The following GFRA2 variants were observed in gnomAD, a reference collection of about 807,000 sequenced individuals.
The protein encoded by GFRA2 is GDNF family receptor alpha 2, also known as GDNF family receptor alpha-2.
GFRA2 carries 17 observed loss-of-function variants against 48.3 expected under a neutral mutation model. The observed-to-expected ratio is 0.35, with a 90% CI of 0.24 to 0.53. The LOEUF is 0.53. GFRA2 is among the 20% of genes least tolerant of loss of function. GFRA2 has a pLI of 0.93. For synonymous variants in GFRA2, 305 were observed against 257.2 expected (o/e 1.19, Z -1.78); for missense variants, 660 against 637.3 (o/e 1.04, Z -0.38).
intron 2 of GFRA2, among the ~76,000 whole-genome samples, chr8:21,802,284 A>T (rs1339169132): frequency 2.0e-5 from 3 of 152,040 alleles, no homozygotes; most frequent in African/African-American, 7.2e-5. Context: ...ATGACTGGTG[A>T]CTCACTCCAC....
chr8:21,773,316 G>A (rs1806525826), intron 3 of GFRA2, among the ~76,000 whole-genome samples: 3 of 152,158 alleles, frequency 2.0e-5, no homozygotes, highest in African/African-American at 7.2e-5. Context: ...CCAGCGCAAG[G>A]TGCTCAACAC....
chr8:21,804,425 TA>T (rs758669783), intron 2 of GFRA2, among the ~76,000 whole-genome samples: 17,494 of 124,900 alleles, frequency 0.14, 1,293 homozygotes, highest in African/African-American at 0.26. Flanking sequence ...ACTTCTCTGC[TA>T]AAAAAAAAAA....
chr8:21,779,154 C>T (rs35568068), intron 2 of GFRA2, among the ~76,000 whole-genome samples: 4 of 152,034 alleles, frequency 2.6e-5, no homozygotes, highest in Non-Finnish European at 5.9e-5. Context: ...GAGCTGTGAT[C>T]ATGCCACTGC....
At chr8:21,773,629 A>T (rs1371154337) in intron 3 of GFRA2, among the ~76,000 whole-genome samples, 3 of 152,238 alleles carry the variant, frequency 2.0e-5, no homozygotes, top group Non-Finnish European at 4.4e-5. Flanking sequence ...ACAAAATGTT[A>T]TTCCTTGGTA....
At chr8:21,792,307 G>C (rs1214508165), upstream of GFRA2, among the ~76,000 whole-genome samples, 1 of 152,192 alleles carries the variant, frequency 6.6e-6, no homozygotes, top group East Asian at 1.9e-4. Context: ...AGAAGGCTGA[G>C]GGTTCCCTGA....
intron 7 of GFRA2, among the ~76,000 whole-genome samples, chr8:21,701,063 G>T (rs557461810): frequency 6.6e-6 from 1 of 152,192 alleles, no homozygotes; most frequent in African/African-American, 2.4e-5. Context: ...TTATTCACTC[G>T]ACACTTCCAG....
intron 4 of GFRA2, among the ~76,000 whole-genome samples, chr8:21,708,865 A>ATAATTTCAGACTTCAGGCCTC (rs1563219631): frequency 6.6e-6 from 1 of 152,218 alleles, no homozygotes; most frequent in Non-Finnish European, 1.5e-5. Context: ...GGCCTCCAGA[A>ATAATTTCAGACTTCAGGCCTC]CAGTGAAAGA....
intron 7 of GFRA2, among the ~76,000 whole-genome samples, chr8:21,697,175 GGACA>G: frequency 6.9e-6 from 1 of 145,338 alleles, no homozygotes; most frequent in Non-Finnish European, 1.5e-5. Flanking sequence ...ATAGGGGAGG[GGACA>G]GAGGAGAGGG....
upstream of GFRA2, among the ~76,000 whole-genome samples, chr8:21,792,684 A>C (rs904097984): frequency 5.4e-4 from 83 of 152,340 alleles, no homozygotes; most frequent in African/African-American, 2.0e-3. Context: ...TTCAAGCTGG[A>C]GCTGGAAGGA....
chr8:21,775,987 CTCTGTG>C, intron 2 of GFRA2, among the ~76,000 whole-genome samples: 1 of 126,694 alleles, frequency 7.9e-6, no homozygotes, highest in Non-Finnish European at 1.6e-5. Flanking sequence ...ACCACTCATC[CTCTGTG>C]TGTGTGTGTG....
At chr8:21,726,767 T>C (rs2117471418) in intron 4 of GFRA2, among the ~76,000 whole-genome samples, 1 of 151,180 alleles carries the variant, frequency 6.6e-6, no homozygotes, top group Admixed American at 6.6e-5. Context: ...TTTTTTTTTT[T>C]TTTGAGACAG....
intron 4 of GFRA2, among the ~76,000 whole-genome samples, chr8:21,729,048 G>C (rs1236115413): frequency 6.6e-6 from 1 of 152,218 alleles, no homozygotes; most frequent in East Asian, 1.9e-4. Flanking sequence ...AGCAGGACGG[G>C]GCCAACCCAG....
intron 7 of GFRA2, among the ~76,000 whole-genome samples, chr8:21,695,948 A>C (rs1300692238): frequency 6.6e-6 from 1 of 151,860 alleles, no homozygotes; most frequent in Non-Finnish European, 1.5e-5. Context: ...TCATTGTTTC[A>C]GGTGTGGCAG....
At chr8:21,789,307 T>A (rs1260636639), upstream of GFRA2, 4 of 152,162 alleles carry the variant, frequency 2.6e-5, no homozygotes, top group Admixed American at 2.6e-4. Context: ...CCCCCGCAGC[T>A]CTCCCCACCC....
chr8:21,708,456 C>G (rs2117383685), intron 4 of GFRA2, among the ~76,000 whole-genome samples: 1 of 152,312 alleles, frequency 6.6e-6, no homozygotes, highest in South Asian at 2.1e-4. Context: ...GACAGAGACT[C>G]TTAACAGGTA....
At chr8:21,784,368 C>T in intron 1 of GFRA2, 1 of 456,126 alleles carries the variant, frequency 2.2e-6, no homozygotes, top group African/African-American at 2.0e-5. Context: ...TGGGAGGCTT[C>T]CTCGACTCCA....
chr8:21,778,288 C>A (rs1806809678), intron 2 of GFRA2, among the ~76,000 whole-genome samples: 1 of 152,118 alleles, frequency 6.6e-6, no homozygotes, highest in South Asian at 2.1e-4. Context: ...TCAGGTAGAC[C>A]CCGCCACTCA....
At chr8:21,783,588 T>C (rs1421168471) in intron 1 of GFRA2, among the ~76,000 whole-genome samples, 4 of 152,032 alleles carry the variant, frequency 2.6e-5, no homozygotes, top group Admixed American at 6.5e-5. Flanking sequence ...AGCCTAACTC[T>C]ACCGTCCAGG....
intron 2 of GFRA2, among the ~76,000 whole-genome samples, chr8:21,799,009 C>T (rs1807724633): frequency 6.6e-6 from 1 of 152,184 alleles, no homozygotes; most frequent in Admixed American, 6.5e-5. Context: ...ATGATAACTG[C>T]CCAATGAGTG....
Sources: gnomAD v4.1 joint callset for allele counts (sites outside exome capture counted in the v4.1 genomes callset) on GRCh38, gnomAD v4.1.1 for gene constraint, MANE v1.5 for transcripts, NCBI Gene and HGNC (gene_info 2026-07-23, HGNC 2026-07-21) for gene names.